Variants in THTPA observed in about 807,000 individuals in gnomAD.
The protein encoded by THTPA is thiamine-triphosphatase.
Under a neutral mutation model 16.5 loss-of-function variants are expected in THTPA, and 16 were observed. The ratio of observed to expected loss-of-function variants is 0.97; its 90% CI spans 0.66 to 1.47. The LOEUF (loss-of-function observed/expected upper bound fraction) is 1.47, where lower values mean the gene tolerates loss of function less well. THTPA is among the 40% of genes most tolerant of loss of function. THTPA has a pLI of 0.00. For missense variants in THTPA, 281 were observed against 280.9 expected, an observed-to-expected ratio of 1.00 and a Z score of 0.00; for synonymous variants, 110 against 115.5, an observed-to-expected ratio of 0.95 and a Z score of 0.30.
chr14:23,526,457 G>T, the THTPA span: 3 of 1,536,162 alleles, frequency 2.0e-6, no homozygotes, highest in Non-Finnish European at 2.6e-6. Context: ...AGCTGGAGCT[G>T]GCTCTGCAGA....
the THTPA span, chr14:23,524,390 TCCCCTCCTC>T: frequency 5.9e-6 from 9 of 1,536,118 alleles, no homozygotes; most frequent in Non-Finnish European, 7.8e-6. This position sits in a 1 kb window ranked among gnomAD's most constrained non-coding sequence, Gnocchi z 5.6. Context: ...GGGCTCGCCC[TCCCCTCCTC>T]CCCCTGCTTC....
At chr14:23,540,364 C>CT in the THTPA span, among the ~76,000 whole-genome samples, 3 of 152,140 alleles carry the variant, frequency 2.0e-5, no homozygotes, top group East Asian at 5.8e-4. Context: ...ATTTTAGGAC[C>CT]TTTTTTTAAA....
Position 23,556,799 on chromosome 14 carries a change from A to G in THTPA, c.42A>G (p.Pro14=). ...TTGAGGTGGAGCGAAAGTTCCTTCC[A>G]GGGCCTGGCACAGAGGAGCGGCTGC... ...GLIEVERKFL[P]GPGTEERLQE... The change falls in exon 1 of 2, where the codon CCA becomes CCG. Residue 14 remains proline, a synonymous_variant. Coordinates refer to ENST00000288014, the MANE Select transcript of THTPA (RefSeq NM_024328.6). The G allele has an allele frequency of 6.2e-7, 1 of 1,613,622 alleles. No individual in the cohort carries two copies. The highest frequency in any genetic ancestry group is 8.5e-7 in the Non-Finnish European group (1 of 1,179,796).
chr14:23,535,155 C>T, the THTPA span: 1 of 1,535,958 alleles, frequency 6.5e-7, no homozygotes, highest in Non-Finnish European at 8.7e-7. The surrounding 1 kb of genome is among the most constrained non-coding windows in gnomAD (Gnocchi z 4.5). Context: ...GGAGCTGTCC[C>T]CCTGGCTCTG....
At chr14:23,525,027 C>G in the THTPA span, 1 of 1,536,230 alleles carries the variant, frequency 6.5e-7, no homozygotes, top group South Asian at 1.2e-5. The surrounding 1 kb of genome is among the most constrained non-coding windows in gnomAD (Gnocchi z 5.9). Flanking sequence ...CACACCACCA[C>G]CACACGGCTA....
chr14:23,560,022 C>T lies in THTPA; in HGVS notation c.*1182C>T, dbSNP rs35523637. 5,655 of 1,608,434 alleles carry T rather than the reference C, an allele frequency of 3.5e-3. 172 individuals carry two copies. The African/African-American group carries it at 0.064, about 18-fold the overall frequency. ...CTGTGTTCCCACTGGGGGCCTGCAGCTGCAGCTGGAGACTCTGAACACAGG... is the reference window on the plus strand; with the variant it reads ...CTGTGTTCCCACTGGGGGCCTGCAGTTGCAGCTGGAGACTCTGAACACAGG... On this transcript the variant is annotated 3_prime_UTR_variant, in exon 2 of 2. Transcript: ENST00000288014.
At chr14:23,547,838 G>T in the THTPA span, among the ~76,000 whole-genome samples, 1 of 152,156 alleles carries the variant, frequency 6.6e-6, no homozygotes, top group Non-Finnish European at 1.5e-5. Context: ...CAGACACTGT[G>T]CTAGGTGCTG....
chr14:23,552,181 C>G (rs114097682), upstream of THTPA, among the ~76,000 whole-genome samples: 1,285 of 152,216 alleles, frequency 8.4e-3, 15 homozygotes, highest in African/African-American at 0.029. Flanking sequence ...TCTTTAGTCT[C>G]TGAGAGCTTC....
the THTPA span, chr14:23,522,765 C>G: frequency 6.5e-7 from 1 of 1,536,434 alleles, no homozygotes; most frequent in Non-Finnish European, 8.7e-7. Context: ...ACCTTGTCCC[C>G]CAAGGGCTCA....
the THTPA span, among the ~76,000 whole-genome samples, chr14:23,519,073 A>G: frequency 6.6e-6 from 1 of 152,170 alleles, no homozygotes; most frequent in Non-Finnish European, 1.5e-5. Context: ...AGTTGCTTAG[A>G]GTCAGCTCAT....
At chr14:23,527,551 T>G in the THTPA span, 4 of 1,531,032 alleles carry the variant, frequency 2.6e-6, no homozygotes, top group South Asian at 4.8e-5. Context: ...CCTCCCCTCC[T>G]GCACAGCCCT....
the THTPA span, among the ~76,000 whole-genome samples, chr14:23,547,792 T>G: frequency 6.6e-6 from 1 of 152,230 alleles, no homozygotes; most frequent in Admixed American, 6.5e-5. Context: ...ATTCAACGTT[T>G]GATCAGTAGA....
chr14:23,525,617 G>T, the THTPA span: 1 of 1,535,826 alleles, frequency 6.5e-7, no homozygotes, highest in Non-Finnish European at 8.7e-7. This position sits in a 1 kb window ranked among gnomAD's most constrained non-coding sequence, Gnocchi z 5.9. Context: ...TTCTAGAAGG[G>T]CTTTGGCTGC....
chr14:23,516,446 G>T, the THTPA span, among the ~76,000 whole-genome samples: 1 of 152,194 alleles, frequency 6.6e-6, no homozygotes, highest in East Asian at 1.9e-4. Flanking sequence ...TCCAGCGAAT[G>T]TAACTTGTTA....
At chr14:23,527,042 C>G in the THTPA span, 1 of 1,440,630 alleles carries the variant, frequency 6.9e-7, no homozygotes, top group Non-Finnish European at 9.1e-7. Context: ...CCTGACCCAT[C>G]TGCCCTACAC....
chr14:23,516,244 C>T, the THTPA span, among the ~76,000 whole-genome samples: 1 of 152,208 alleles, frequency 6.6e-6, no homozygotes, highest in Non-Finnish European at 1.5e-5. Flanking sequence ...CGTTGAAAAA[C>T]ACTGTTCTGA....
At chr14:23,534,181 T>A in the THTPA span, 1 of 1,476,446 alleles carries the variant, frequency 6.8e-7, no homozygotes, top group East Asian at 2.5e-5. This position sits in a 1 kb window ranked among gnomAD's most constrained non-coding sequence, Gnocchi z 4.5. Context: ...GAGCCCTCCA[T>A]CCTCTTCTTG....
intron 1 of THTPA, among the ~76,000 whole-genome samples, chr14:23,557,578 G>T: frequency 6.6e-6 from 1 of 152,138 alleles, no homozygotes; most frequent in South Asian, 2.1e-4. Flanking sequence ...AATTTTCTAA[G>T]TTTGCTTACA....
the THTPA span, among the ~76,000 whole-genome samples, chr14:23,528,337 C>T: frequency 6.6e-6 from 1 of 152,192 alleles, no homozygotes; most frequent in Non-Finnish European, 1.5e-5. Flanking sequence ...CTAGCTTAGG[C>T]CGCTACCTTG....
Sources: allele counts gnomAD v4.1 joint callset (sites outside exome capture counted in the v4.1 genomes callset), GRCh38; gene constraint gnomAD v4.1.1; non-coding constraint Gnocchi (gnomAD v3.1); transcripts MANE v1.5; gene names NCBI Gene and HGNC (gene_info 2026-07-23, HGNC 2026-07-21).